PTPN14: variants seen among roughly 807,000 people sequenced by gnomAD.
PTPN14 encodes the protein protein tyrosine phosphatase non-receptor type 14.
In PTPN14, 53 loss-of-function variants were observed where a neutral mutation model predicts 126.8. That is an observed-to-expected ratio of 0.42 (90% CI 0.34 to 0.53). The LOEUF is 0.53. PTPN14 is among the 20% of genes least tolerant of loss of function. The pLI, the probability that PTPN14 is intolerant of heterozygous loss-of-function variation, is 0.08. For synonymous variants in PTPN14, 630 were observed against 599.3 expected, an observed-to-expected ratio of 1.05 and a Z score of -0.75; for missense variants, 1,257 against 1,552.9, an observed-to-expected ratio of 0.81 and a Z score of 3.20.
intron 1 of PTPN14, among the ~76,000 whole-genome samples, chr1:214,466,910 G>T (rs937855450): frequency 6.6e-6 from 1 of 152,092 alleles, no homozygotes; most frequent in African/African-American, 2.4e-5. Context: ...CCTCATGGAG[G>T]TTGTCAGGTT....
intron 1 of PTPN14, among the ~76,000 whole-genome samples, chr1:214,505,228 T>C (rs941542659): frequency 2.7e-5 from 4 of 150,232 alleles, no homozygotes; most frequent in African/African-American, 9.8e-5. Flanking sequence ...CAATGCTAGA[T>C]GACACCTGAC....
chr1:214,353,884 G>A lies in PTPN14; in HGVS notation c.*4038C>T, dbSNP rs1046377248. ...GTGTTGGGACCCACAGTGTATCAGG[G>A]GGAAGATATAGGTGATCCATGCGAG... On this transcript the variant is annotated 3_prime_UTR_variant, in exon 19 of 19. Transcript: ENST00000366956. The A allele has an allele frequency of 2.6e-5, 4 of 152,334 alleles. No individual in the cohort carries two copies. The East Asian group carries it at 5.8e-4, about 22-fold the overall frequency. The allele number at this position is 152,334 out of a possible 1,614,324, so 9.4% of individuals were successfully genotyped here.
chr1:214,502,428 A>G (rs918982642), intron 1 of PTPN14, among the ~76,000 whole-genome samples: 5 of 152,240 alleles, frequency 3.3e-5, no homozygotes, highest in Non-Finnish European at 7.3e-5. Context: ...CTATAATACA[A>G]TACAGCTCAG....
rs144744619 is a variant in PTPN14, at chr1:214,448,022, C to A, written c.344+3783G>T. ...CCTTCCTAAATCCCACAGTTAATAA[C>A]CACCACTACCAAAACTTTTTACTCT... On this transcript the variant is annotated intron_variant, in intron 3 of 18. Coordinates refer to ENST00000366956, the MANE Select transcript of PTPN14 (RefSeq NM_005401.5). 8.8e-3 allele frequency among the ~76,000 whole-genome samples: 1,337 copies of A among 152,280 alleles called. 11 individuals are homozygous for A. The highest frequency in any genetic ancestry group is 0.027 in the Middle Eastern group (8 of 294).
chr1:214,424,532 CT>C lies in PTPN14; in HGVS notation c.345-9807del, dbSNP rs762517027. ...TTGAGTGGGACACCCCACTTTCTTTCTTTTTTTTTTTTTTAGACAGAGTCTT... is the reference window on the plus strand; with the variant it reads ...TTGAGTGGGACACCCCACTTTCTTTCTTTTTTTTTTTTTAGACAGAGTCTT... On this transcript the variant is annotated intron_variant, in intron 3 of 18. Coordinates refer to ENST00000366956, the MANE Select transcript of PTPN14 (RefSeq NM_005401.5). Among the ~76,000 whole-genome samples the C allele has an allele frequency of 5.3e-3, 741 of 138,800 alleles. 2 individuals carry two copies. Among genetic ancestry groups the C allele is most frequent in the East Asian group, 0.021 (101 of 4,768 alleles). The allele number at this position is 138,800 out of a possible 152,430, so 91.1% of individuals were successfully genotyped here.
At chr1:214,479,527 A>C (rs1660938654) in intron 1 of PTPN14, among the ~76,000 whole-genome samples, 1 of 151,914 alleles carries the variant, frequency 6.6e-6, no homozygotes, top group South Asian at 2.1e-4. Flanking sequence ...TTTAGTGGAG[A>C]TAGGGTTTCA....
At chr1:214,433,136 C>T (rs1293569487) in intron 3 of PTPN14, among the ~76,000 whole-genome samples, 2 of 152,044 alleles carry the variant, frequency 1.3e-5, no homozygotes, top group African/African-American at 2.4e-5. Flanking sequence ...ATCTCCTGAC[C>T]TCATGATCCA....
At chr1:214,466,271 CTT>C (rs113382577) in intron 1 of PTPN14, among the ~76,000 whole-genome samples, 10 of 146,858 alleles carry the variant, frequency 6.8e-5, no homozygotes, top group Middle Eastern at 3.6e-3. Context: ...CAGTTACTTC[CTT>C]TTTTTTTTTT....
chr1:214,518,147 G>A (rs1054008840), intron 1 of PTPN14, among the ~76,000 whole-genome samples: 1 of 152,078 alleles, frequency 6.6e-6, no homozygotes, highest in South Asian at 2.1e-4. Flanking sequence ...TACTGTATCC[G>A]AAAATCCACC....
intron 1 of PTPN14, among the ~76,000 whole-genome samples, chr1:214,542,992 A>G (rs1223193928): frequency 6.6e-6 from 1 of 152,182 alleles, no homozygotes; most frequent in African/African-American, 2.4e-5. Flanking sequence ...CAATGATATC[A>G]CTGCTGCTTA....
intron 5 of PTPN14, among the ~76,000 whole-genome samples, chr1:214,410,593 A>G (rs1659285700): frequency 6.6e-6 from 1 of 152,038 alleles, no homozygotes; most frequent in Admixed American, 6.5e-5. Context: ...GCCTGGCCAC[A>G]TTTAAGTCTT....
intron 1 of PTPN14, among the ~76,000 whole-genome samples, chr1:214,471,283 G>A (rs1455197949): frequency 6.6e-6 from 1 of 152,086 alleles, no homozygotes; most frequent in Non-Finnish European, 1.5e-5. Context: ...GTTGAGCTGA[G>A]GGGTTCTAAG....
rs1290994224 is a variant in PTPN14, at chr1:214,544,601, T to C, written c.-155+6582A>G. On this transcript the variant is annotated intron_variant, in intron 1 of 18. Coordinates refer to ENST00000366956, the MANE Select transcript of PTPN14 (RefSeq NM_005401.5). ...CCCATCTCTACTAAAAATTTAAAAA[T>C]TAGCCAGGTGTGGTGGCTGTATGCC... 2.0e-5 allele frequency among the ~76,000 whole-genome samples: 3 copies of C among 151,708 alleles called. No individual in the cohort carries two copies. In the South Asian group the frequency reaches 6.2e-4, roughly 32 times the overall value.
At chr1:214,416,588 T>C (rs962302786) in intron 3 of PTPN14, among the ~76,000 whole-genome samples, 1 of 152,080 alleles carries the variant, frequency 6.6e-6, no homozygotes, top group Admixed American at 6.5e-5. Context: ...ATCATGTAGG[T>C]TGGGTGTAGG....
intron 3 of PTPN14, among the ~76,000 whole-genome samples, chr1:214,429,646 A>C (rs960860145): frequency 1.3e-5 from 2 of 152,228 alleles, no homozygotes; most frequent in African/African-American, 4.8e-5. Context: ...AATGGTCTTC[A>C]AGTAAACTTA....
chr1:214,477,829 G>A (rs1256926831), intron 1 of PTPN14, among the ~76,000 whole-genome samples: 1 of 152,158 alleles, frequency 6.6e-6, no homozygotes, highest in Non-Finnish European at 1.5e-5. Flanking sequence ...TAACAAATTT[G>A]TATCTAATAA....
chr1:214,435,110 G>A (rs544072965), intron 3 of PTPN14, among the ~76,000 whole-genome samples: 1 of 152,222 alleles, frequency 6.6e-6, no homozygotes, highest in African/African-American at 2.4e-5. Context: ...AAAAATATAG[G>A]AGTACTTCAT....
At chr1:214,394,653 C>T (rs1001450787) in intron 9 of PTPN14, among the ~76,000 whole-genome samples, 2 of 152,156 alleles carry the variant, frequency 1.3e-5, no homozygotes, top group African/African-American at 2.4e-5. Context: ...AGTGATCCAC[C>T]GGCCTCGGCC....
chr1:214,416,727 T>C (rs911991071), intron 3 of PTPN14, among the ~76,000 whole-genome samples: 24 of 152,308 alleles, frequency 1.6e-4, no homozygotes, highest in African/African-American at 5.5e-4. Flanking sequence ...TGGGTACTAC[T>C]GTGTAAGACT....
Sources: allele counts gnomAD v4.1 joint callset (sites outside exome capture counted in the v4.1 genomes callset), GRCh38; gene constraint gnomAD v4.1.1; transcripts MANE v1.5; gene names NCBI Gene and HGNC (gene_info 2026-07-23, HGNC 2026-07-21).